Variants in CNTN4 observed in about 807,000 individuals in gnomAD.
The protein encoded by CNTN4 is contactin-4.
Under a neutral mutation model 122.5 loss-of-function variants are expected in CNTN4, and 77 were observed. That is an observed-to-expected ratio of 0.63 (90% CI 0.52 to 0.76). The LOEUF (loss-of-function observed/expected upper bound fraction) is 0.76. Among genes scored for constraint, CNTN4 ranks in the 30% least tolerant of loss-of-function variants. The pLI is 0.00. For missense variants in CNTN4, 1,256 were observed against 1,259.1 expected (o/e 1.00, Z 0.04); for synonymous variants, 512 against 447.0 (o/e 1.15, Z -1.83).
chr3:3,044,989 G>T (rs1700499656), intron 23 of CNTN4, among the ~76,000 whole-genome samples: 2 of 152,156 alleles, frequency 1.3e-5, no homozygotes. Context: ...GGCTCAGAGG[G>T]TCCCATGCCC....
chr3:2,602,131 A>G (rs1022915478), intron 4 of CNTN4, among the ~76,000 whole-genome samples: 6 of 152,196 alleles, frequency 3.9e-5, no homozygotes, highest in South Asian at 4.1e-4. Flanking sequence ...CCCACAGCCA[A>G]TATCATACTA....
intron 3 of CNTN4, among the ~76,000 whole-genome samples, chr3:2,502,998 C>G (rs2076636807): frequency 6.6e-6 from 1 of 152,030 alleles, no homozygotes; most frequent in Non-Finnish European, 1.5e-5. Context: ...ATTACTGAAA[C>G]ATTTTTGGAG....
chr3:2,252,485 C>T (rs867329838), intron 2 of CNTN4, among the ~76,000 whole-genome samples: 11 of 151,834 alleles, frequency 7.2e-5, no homozygotes, highest in Admixed American at 2.6e-4. Flanking sequence ...TTTGCACTTC[C>T]ATTGACTATG....
intron 2 of CNTN4, among the ~76,000 whole-genome samples, chr3:2,335,334 C>T (rs1176917913): frequency 2.0e-5 from 3 of 151,730 alleles, no homozygotes; most frequent in Admixed American, 1.3e-4. Context: ...CATTTATTTT[C>T]TGCATAGTAT....
Position 2,346,812 on chromosome 3 carries a change from A to C in CNTN4, c.-89+7579A>C, listed in dbSNP as rs182656455. On this transcript the variant is annotated intron_variant, in intron 3 of 24. Transcript: ENST00000418658. ...TTCACAATGATAAGTCCAAGTATGCATTTTTGTTGAGTTTTTCTCTTACGC... is the reference window on the plus strand; with the variant it reads ...TTCACAATGATAAGTCCAAGTATGCCTTTTTGTTGAGTTTTTCTCTTACGC... Among the ~76,000 whole-genome samples, 19 of 152,232 alleles carry C rather than the reference A, an allele frequency of 1.2e-4. No homozygotes were observed. In the East Asian group the frequency reaches 3.7e-3, roughly 29 times the overall value.
At chr3:2,895,312 T>C (rs529187511) in intron 10 of CNTN4, among the ~76,000 whole-genome samples, 1 of 152,310 alleles carries the variant, frequency 6.6e-6, no homozygotes, top group East Asian at 1.9e-4. Flanking sequence ...CCTAAAGATA[T>C]GAAATAATGA....
intron 13 of CNTN4, among the ~76,000 whole-genome samples, chr3:2,953,533 G>C (rs1271937338): frequency 6.6e-6 from 1 of 151,330 alleles, no homozygotes; most frequent in Non-Finnish European, 1.5e-5. Flanking sequence ...CACAGTTTTT[G>C]GGCCTTTTTT....
intron 2 of CNTN4, among the ~76,000 whole-genome samples, chr3:2,275,519 A>G (rs2041471818): frequency 6.6e-6 from 1 of 152,168 alleles, no homozygotes; most frequent in African/African-American, 2.4e-5. Context: ...GAATTTCACA[A>G]TTATATATTA....
intron 23 of CNTN4, among the ~76,000 whole-genome samples, chr3:3,046,502 T>A (rs1211864062): frequency 5.3e-5 from 8 of 152,122 alleles, no homozygotes; most frequent in Non-Finnish European, 1.5e-5. Context: ...GAATTTTCAA[T>A]CCAGAACTTC....
intron 12 of CNTN4, among the ~76,000 whole-genome samples, chr3:2,918,988 T>C (rs549306941): frequency 6.6e-6 from 1 of 152,312 alleles, no homozygotes; most frequent in African/African-American, 2.4e-5. Context: ...AACTTTTTTA[T>C]AATACACAAA....
chr3:2,257,492 G>C (rs889891465), intron 2 of CNTN4, among the ~76,000 whole-genome samples: 1 of 152,154 alleles, frequency 6.6e-6, no homozygotes, highest in Non-Finnish European at 1.5e-5. Flanking sequence ...TATCATCAGA[G>C]TGAACAGGCA....
chr3:2,281,341 C>G (rs1221526943), intron 2 of CNTN4, among the ~76,000 whole-genome samples: 1 of 152,044 alleles, frequency 6.6e-6, no homozygotes, highest in African/African-American at 2.4e-5. Flanking sequence ...GATAAAATGC[C>G]TAGTACAGGG....
intron 13 of CNTN4, among the ~76,000 whole-genome samples, chr3:2,974,670 T>A (rs925930258): frequency 1.3e-5 from 2 of 152,204 alleles, no homozygotes; most frequent in African/African-American, 4.8e-5. Flanking sequence ...ATGCTGAGTT[T>A]CTGTGCTTCC....
chr3:2,343,966 G>C (rs1031773350), intron 3 of CNTN4, among the ~76,000 whole-genome samples: 1 of 152,022 alleles, frequency 6.6e-6, no homozygotes, highest in Non-Finnish European at 1.5e-5. Flanking sequence ...GGTCAGAGAG[G>C]GAGCAAGAGA....
intron 3 of CNTN4, among the ~76,000 whole-genome samples, chr3:2,400,787 T>C (rs1000045084): frequency 2.6e-5 from 4 of 151,444 alleles, no homozygotes; most frequent in African/African-American, 9.7e-5. Context: ...TAAAGACATT[T>C]GGATTATGCT....
At chr3:2,885,617 G>A (rs1489817215) in intron 9 of CNTN4, among the ~76,000 whole-genome samples, 1 of 152,150 alleles carries the variant, frequency 6.6e-6, no homozygotes, top group African/African-American at 2.4e-5. Context: ...CACTTGCATT[G>A]TTGGTACATA....
intron 13 of CNTN4, among the ~76,000 whole-genome samples, chr3:2,930,187 CT>C (rs979745617): frequency 8.5e-5 from 13 of 152,162 alleles, no homozygotes; most frequent in African/African-American, 2.7e-4. Flanking sequence ...CCCCTTGTAT[CT>C]GATTTTCTTC....
intron 20 of CNTN4, among the ~76,000 whole-genome samples, chr3:3,040,859 G>A (rs145650525): frequency 0.015 from 2,243 of 151,972 alleles, 49 homozygotes; most frequent in African/African-American, 0.051. Flanking sequence ...CCCAGGAGGC[G>A]GAGGTTGCGG....
Position 2,212,020 on chromosome 3 carries a change from C to T in CNTN4, c.-145+111381C>T, listed in dbSNP as rs553944523. Among the ~76,000 whole-genome samples the T allele has an allele frequency of 9.9e-5, 15 of 152,262 alleles. 2 individuals carry two copies. Among genetic ancestry groups the T allele is most frequent in the African/African-American group, 2.4e-4 (10 of 41,548 alleles). ...ATGGGGTCTTGCTCTATTGCCCAGA[C>T]GGGAGTGCAGTGGCACAATCACAGC... On this transcript the variant is annotated intron_variant, in intron 2 of 24. Transcript: ENST00000418658.
Sources: gnomAD v4.1 joint callset for allele counts (sites outside exome capture counted in the v4.1 genomes callset) on GRCh38, gnomAD v4.1.1 for gene constraint, MANE v1.5 for transcripts, NCBI Gene and HGNC (gene_info 2026-07-23, HGNC 2026-07-21) for gene names.